Variants in RBMS3 observed in about 807,000 individuals in gnomAD.
RBMS3 encodes the protein RNA-binding motif, single-stranded-interacting protein 3.
Under a neutral mutation model 66.8 loss-of-function variants are expected in RBMS3, and 27 were observed. The observed-to-expected ratio is 0.40, with a 90% CI of 0.30 to 0.56. The LOEUF (loss-of-function observed/expected upper bound fraction) is 0.56. Among genes scored for constraint, RBMS3 ranks in the 20% least tolerant of loss-of-function variants. The pLI is 0.40. For missense variants in RBMS3, 513 were observed against 549.5 expected (o/e 0.93, Z 0.66); for synonymous variants, 188 against 183.0 (o/e 1.03, Z -0.22).
At chr3:29,305,102 G>T (rs1051225622) in intron 1 of RBMS3, among the ~76,000 whole-genome samples, 1 of 151,726 alleles carries the variant, frequency 6.6e-6, no homozygotes, top group East Asian at 2.0e-4. Context: ...CCAGGACCTT[G>T]GCAAGAGCTC....
At chr3:29,649,599 C>T (rs2050069503) in intron 4 of RBMS3, among the ~76,000 whole-genome samples, 1 of 152,118 alleles carries the variant, frequency 6.6e-6, no homozygotes, top group Non-Finnish European at 1.5e-5. Flanking sequence ...ACTGAGGAAG[C>T]ATAATGAACC....
At chr3:29,447,047 G>A (rs1308187507) in intron 2 of RBMS3, among the ~76,000 whole-genome samples, 2 of 151,424 alleles carry the variant, frequency 1.3e-5, no homozygotes, top group Non-Finnish European at 2.9e-5. Flanking sequence ...TGAGTAGCTG[G>A]GATTGCAGGC....
intron 4 of RBMS3, among the ~76,000 whole-genome samples, chr3:29,630,626 A>G (rs2049250123): frequency 1.3e-5 from 2 of 152,018 alleles, no homozygotes; most frequent in South Asian, 4.1e-4. Flanking sequence ...TGGCTTAATC[A>G]TAGATGTCAT....
intron 4 of RBMS3, among the ~76,000 whole-genome samples, chr3:29,658,677 A>G (rs980965589): frequency 4.6e-5 from 7 of 152,236 alleles, no homozygotes; most frequent in Non-Finnish European, 1.0e-4. Context: ...ATTCTCATTC[A>G]TGCCGTAATT....
chr3:30,006,544 G>A lies in RBMS3; in HGVS notation c.*2682G>A, dbSNP rs1022750533. The A allele has an allele frequency of 5.3e-5, 8 of 151,826 alleles. No homozygotes were observed. Among genetic ancestry groups the A allele is most frequent in the African/African-American group, 1.2e-4 (5 of 41,368 alleles). The allele number at this position is 151,826 out of a possible 1,614,324, so 9.4% of individuals were successfully genotyped here. A position where few individuals can be genotyped will look rare whatever the true frequency, so the allele number is the denominator to read the frequency against. ...CTTCAGCTTCCCATGCATTATAAAG[G>A]TGGCACTTAAGTTTTTATCTTTGAA... On this transcript the variant is annotated 3_prime_UTR_variant, in exon 15 of 15. Transcript: ENST00000383767.
At chr3:29,888,884 C>T (rs897234185) in intron 8 of RBMS3, among the ~76,000 whole-genome samples, 1 of 151,624 alleles carries the variant, frequency 6.6e-6, no homozygotes, top group African/African-American at 2.4e-5. Flanking sequence ...GCCCTTCCTC[C>T]GTGCCACTGG....
chr3:29,832,184 A>G (rs549116615), intron 6 of RBMS3, among the ~76,000 whole-genome samples: 37 of 152,352 alleles, frequency 2.4e-4, no homozygotes, highest in Admixed American at 1.1e-3. Context: ...TTAAAAATGC[A>G]ATCAGTACAT....
At chr3:29,884,422 TTCTCTCTC>T (rs571002730) in intron 8 of RBMS3, among the ~76,000 whole-genome samples, 1,248 of 41,798 alleles carry the variant, frequency 0.03, 63 homozygotes, top group Non-Finnish European at 0.042. Flanking sequence ...TTAAACCCTG[TTCTCTCTC>T]TCTCTCTCTC....
At position 30,005,190 on chromosome 3, in the gene RBMS3, A is replaced by G. The variant is rs986537598; in HGVS notation, c.*1328A>G. 4 of 90,682 alleles carry G rather than the reference A, an allele frequency of 4.4e-5. No individual in the cohort carries two copies. The highest frequency in any genetic ancestry group is 5.1e-3 in the Middle Eastern group (1 of 198). 5.6% of individuals were successfully genotyped at this position (90,682 alleles called of 1,614,324 possible). Reference sequence around the variant, plus strand: ...AAACTACCTTCCACTGGTGTTTTACATAGTGCAAAAAAAAAAAGAGGGTGG... The same window carrying G: ...AAACTACCTTCCACTGGTGTTTTACGTAGTGCAAAAAAAAAAAGAGGGTGG... On this transcript the variant is annotated 3_prime_UTR_variant, in exon 15 of 15. Transcript: ENST00000383767.
chr3:29,310,548 A>T lies in RBMS3; in HGVS notation c.75+28792A>T, dbSNP rs2034309962. ...TTTTGATTTTTAGTGAAATTCTAAA[A>T]ACCTTGGTTAAGGATGAGAGGCCTA... On this transcript the variant is annotated intron_variant, in intron 1 of 14. Coordinates refer to ENST00000383767, the MANE Select transcript of RBMS3 (RefSeq NM_001003793.3). Among the ~76,000 whole-genome samples the T allele has an allele frequency of 2.6e-5, 4 of 151,642 alleles. No individual in the cohort carries two copies. In the South Asian group the frequency reaches 8.3e-4, roughly 31 times the overall value.
chr3:29,868,722 A>G, intron 6 of RBMS3, 136 bp from the exon 7 acceptor site: 1 of 758,880 alleles, frequency 1.3e-6, no homozygotes, highest in South Asian at 1.8e-5. Flanking sequence ...CTGAGACTAA[A>G]AGGGGGCCAA....
intron 1 of RBMS3, among the ~76,000 whole-genome samples, chr3:29,333,111 A>G (rs761329159): frequency 1.3e-5 from 2 of 152,146 alleles, no homozygotes; most frequent in East Asian, 1.9e-4. Context: ...TTAAATTTGT[A>G]TATGTGTGTA....
intron 8 of RBMS3, among the ~76,000 whole-genome samples, chr3:29,895,024 G>A (rs535336799): frequency 6.6e-6 from 1 of 151,592 alleles, no homozygotes; most frequent in South Asian, 2.1e-4. Flanking sequence ...CACAGAAGTA[G>A]GCAATAGCCT....
intron 3 of RBMS3, among the ~76,000 whole-genome samples, chr3:29,531,974 A>G (rs2045366596): frequency 6.6e-6 from 1 of 151,930 alleles, no homozygotes; most frequent in Non-Finnish European, 1.5e-5. Context: ...TCTCCAGTCC[A>G]TTTACAGTGT....
chr3:29,506,747 T>G (rs189261732), intron 3 of RBMS3, among the ~76,000 whole-genome samples: 33 of 152,156 alleles, frequency 2.2e-4, no homozygotes, highest in African/African-American at 7.7e-4. Context: ...TGTTTCAATC[T>G]CCTTGTTATT....
At chr3:29,892,843 G>GTATT (rs371501719) in intron 8 of RBMS3, among the ~76,000 whole-genome samples, 1,419 of 137,496 alleles carry the variant, frequency 0.01, 31 homozygotes, top group African/African-American at 0.034. Flanking sequence ...ATGTATGTAT[G>GTATT]TATTTATTTA....
intron 1 of RBMS3, among the ~76,000 whole-genome samples, chr3:29,325,884 C>T (rs2035307001): frequency 6.6e-6 from 1 of 152,122 alleles, no homozygotes; most frequent in African/African-American, 2.4e-5. Flanking sequence ...TGGGCTATTA[C>T]TCTCTTTAAC....
intron 1 of RBMS3, among the ~76,000 whole-genome samples, chr3:29,373,706 A>G (rs1413454983): frequency 1.3e-5 from 2 of 152,214 alleles, no homozygotes; most frequent in East Asian, 3.9e-4. Context: ...GCATCTTGTC[A>G]TTTAGAATGA....
intron 4 of RBMS3, among the ~76,000 whole-genome samples, chr3:29,661,761 G>A (rs1264590209): frequency 5.3e-5 from 8 of 152,154 alleles, no homozygotes; most frequent in Non-Finnish European, 7.3e-5. Flanking sequence ...CATGATGTAC[G>A]TGATGGCTTG....
Sources: allele counts gnomAD v4.1 joint callset (sites outside exome capture counted in the v4.1 genomes callset), GRCh38; gene constraint gnomAD v4.1.1; transcripts MANE v1.5; gene names NCBI Gene and HGNC (gene_info 2026-07-23, HGNC 2026-07-21).